SPTLC1: variants seen among roughly 807,000 people sequenced by gnomAD.
The protein encoded by SPTLC1 is serine palmitoyltransferase 1.
In SPTLC1, 55 loss-of-function variants were observed where a neutral mutation model predicts 68.9. The observed-to-expected ratio is 0.80, with a 90% CI of 0.64 to 1.00. The LOEUF is 1.00. Ranked by LOEUF, SPTLC1 falls within the 50% of genes least tolerant of loss-of-function variation. The pLI, the probability that SPTLC1 is intolerant of heterozygous loss-of-function variation, is 0.00. For missense variants in SPTLC1, 449 were observed against 573.1 expected (o/e 0.78, Z 2.21); for synonymous variants, 197 against 201.6 (o/e 0.98, Z 0.19).
In SPTLC1 at chr9:92,038,234, C is replaced by A; in HGVS notation, c.1254+14G>T. On this transcript the variant is annotated intron_variant, in intron 13 of 14. Coordinates refer to ENST00000262554, the MANE Select transcript of SPTLC1 (RefSeq NM_006415.4). ...AGTGGTGTGGGGGGATGCCTCAAGT[C>A]AACGGATACTTACTTGATCTACAAT... The A allele has an allele frequency of 6.4e-7, 1 of 1,555,608 alleles. No individual in the cohort carries two copies. Among genetic ancestry groups the A allele is most frequent in the South Asian group, 1.1e-5 (1 of 89,926 alleles).
intron 3 of SPTLC1, among the ~76,000 whole-genome samples, chr9:92,094,795 G>C (rs1455399491): frequency 1.3e-5 from 2 of 152,164 alleles, no homozygotes; most frequent in African/African-American, 4.8e-5. Flanking sequence ...TGCAGGTCTG[G>C]CCATTTCTCC....
In SPTLC1 at chr9:92,077,565, T is replaced by C. The variant is rs183619632; in HGVS notation, c.427+2451A>G. ...TCGCAAGTACTCTCCCCCACTTCCC[T>C]TAAACTTACCCACATTCCTGAAAAA... On this transcript the variant is annotated intron_variant, in intron 5 of 14. Coordinates refer to ENST00000262554, the MANE Select transcript of SPTLC1 (RefSeq NM_006415.4). Among the ~76,000 whole-genome samples the C allele has an allele frequency of 1.1e-3, 167 of 152,196 alleles. 6 individuals are homozygous for C. In the South Asian group the frequency reaches 0.028, roughly 26 times the overall value.
At chr9:92,074,293 T>C (rs560891334) in intron 5 of SPTLC1, among the ~76,000 whole-genome samples, 2 of 151,950 alleles carry the variant, frequency 1.3e-5, no homozygotes, top group East Asian at 3.9e-4. Flanking sequence ...CCCTTAAAAC[T>C]CCCCAACTCT....
chr9:92,113,946 A>G (rs1836335679), intron 1 of SPTLC1, among the ~76,000 whole-genome samples: 1 of 152,204 alleles, frequency 6.6e-6, no homozygotes, highest in African/African-American at 2.4e-5. Context: ...GTGGACAGTC[A>G]CTAAGTTACA....
chr9:92,105,895 C>T (rs1261483341), intron 3 of SPTLC1, among the ~76,000 whole-genome samples: 1 of 130,020 alleles, frequency 7.7e-6, no homozygotes, highest in East Asian at 2.4e-4. Flanking sequence ...GTCCTGTCTG[C>T]GAAGTGAGGA....
intron 1 of SPTLC1, among the ~76,000 whole-genome samples, chr9:92,112,787 C>A (rs1258033001): frequency 6.6e-6 from 1 of 152,110 alleles, no homozygotes; most frequent in Non-Finnish European, 1.5e-5. Context: ...TTTAAAACTT[C>A]TTTGGGAATA....
chr9:92,061,679 C>T (rs1174474807), intron 6 of SPTLC1, among the ~76,000 whole-genome samples: 1 of 152,164 alleles, frequency 6.6e-6, no homozygotes, highest in Middle Eastern at 3.4e-3. Flanking sequence ...GTGGTTCTCA[C>T]TGTATGTACA....
chr9:92,039,555 G>A (rs976844358), intron 12 of SPTLC1, among the ~76,000 whole-genome samples: 1 of 152,044 alleles, frequency 6.6e-6, no homozygotes, highest in African/African-American at 2.4e-5. Context: ...AATATTATTT[G>A]ACTTTTGACC....
chr9:92,067,288 G>T (rs887245562), intron 6 of SPTLC1, among the ~76,000 whole-genome samples: 4 of 148,170 alleles, frequency 2.7e-5, no homozygotes, highest in Admixed American at 2.7e-4. Context: ...GACAAAGTGA[G>T]ACTCCATCTC....
rs1251056550 is a variant in SPTLC1, at chr9:92,105,010, C to T, written c.260+3730G>A. 4 of 1,520,534 alleles carry T rather than the reference C, an allele frequency of 2.6e-6. No individual in the cohort carries two copies. The African/African-American group carries it at 5.5e-5, about 21-fold the overall frequency. 94.2% of individuals were successfully genotyped at this position (1,520,534 alleles called of 1,614,324 possible). A position where few individuals can be genotyped will look rare whatever the true frequency, so the allele number is the denominator to read the frequency against. On this transcript the variant is annotated intron_variant, in intron 3 of 14. Coordinates refer to ENST00000262554, the MANE Select transcript of SPTLC1 (RefSeq NM_006415.4). ...TCCCTGCCCCAGTTCCGGGCTGCTC[C>T]CTGTGGCCAGAGAAGGCGGCCTTGA...
chr9:92,105,477 G>T (rs908268404), intron 3 of SPTLC1: 33 of 928,718 alleles, frequency 3.6e-5, no homozygotes, highest in Non-Finnish European at 4.5e-5. Flanking sequence ...GGCCCAGGCG[G>T]GTGGATCAGG....
intron 9 of SPTLC1, among the ~76,000 whole-genome samples, chr9:92,049,689 G>T (rs1036900179): frequency 2.0e-5 from 3 of 152,166 alleles, no homozygotes; most frequent in African/African-American, 7.2e-5. Flanking sequence ...CTAGAGAAGA[G>T]ACACTAAAAG....
intron 12 of SPTLC1, among the ~76,000 whole-genome samples, chr9:92,039,193 C>A (rs1833255164): frequency 6.6e-6 from 1 of 152,160 alleles, no homozygotes; most frequent in Non-Finnish European, 1.5e-5. Flanking sequence ...TTTTGACTAA[C>A]AGCAATATGT....
At chr9:92,067,289 A>C (rs1587938318) in intron 6 of SPTLC1, among the ~76,000 whole-genome samples, 2 of 146,582 alleles carry the variant, frequency 1.4e-5, no homozygotes, top group African/African-American at 5.2e-5. Context: ...ACAAAGTGAG[A>C]CTCCATCTCA....
chr9:92,106,057 A>G, intron 3 of SPTLC1, among the ~76,000 whole-genome samples: 1 of 150,740 alleles, frequency 6.6e-6, no homozygotes, highest in Admixed American at 6.6e-5. Context: ...ACCGTTTGTA[A>G]GGGAGGAGCG....
At chr9:92,043,163 AG>A (rs1564083211) in intron 12 of SPTLC1, among the ~76,000 whole-genome samples, 1 of 152,178 alleles carries the variant, frequency 6.6e-6, no homozygotes, top group African/African-American at 2.4e-5. Context: ...ACGAAGTCAA[AG>A]GATCAGTGTT....
intron 1 of SPTLC1, 125 bp from the exon 2 acceptor site, chr9:92,112,687 G>C: frequency 1.5e-6 from 1 of 648,576 alleles, no homozygotes; most frequent in Non-Finnish European, 2.7e-6. Flanking sequence ...ATTTACTTTC[G>C]AAGCTCCCTT....
intron 4 of SPTLC1, 23 bp from the exon 5 acceptor site, chr9:92,080,111 T>C (rs1834826608): frequency 6.3e-7 from 1 of 1,588,122 alleles, no homozygotes; most frequent in Non-Finnish European, 8.6e-7. Flanking sequence ...ACAAGAATTA[T>C]ACTTTAATAA....
chr9:92,079,600 C>T (rs774218535), intron 5 of SPTLC1: 15 of 1,555,526 alleles, frequency 9.6e-6, no homozygotes, highest in East Asian at 2.2e-5. Context: ...GTTTATCCCC[C>T]CTCCCTCCAC....
Sources: gnomAD v4.1 joint callset for allele counts (sites outside exome capture counted in the v4.1 genomes callset) on GRCh38, gnomAD v4.1.1 for gene constraint, MANE v1.5 for transcripts, NCBI Gene and HGNC (gene_info 2026-07-23, HGNC 2026-07-21) for gene names.